SRGN: variants seen among roughly 807,000 people sequenced by gnomAD.
The protein encoded by SRGN is hematopoetic proteoglycan core peptide.
SRGN carries 2 observed loss-of-function variants against 9.5 expected under a neutral mutation model. The observed-to-expected ratio is 0.21, with a 90% CI of 0.09 to 0.66. The LOEUF (loss-of-function observed/expected upper bound fraction) is 0.66. Among genes scored for constraint, SRGN ranks in the 30% least tolerant of loss-of-function variants. SRGN has a pLI of 0.83. For missense variants in SRGN, 170 were observed against 192.4 expected, an observed-to-expected ratio of 0.88 and a Z score of 0.69; for synonymous variants, 59 against 72.3, an observed-to-expected ratio of 0.82 and a Z score of 0.93.
chr10:69,090,778 G>C (rs1396236570), intron 1 of SRGN, among the ~76,000 whole-genome samples: 1 of 152,180 alleles, frequency 6.6e-6, no homozygotes, highest in African/African-American at 2.4e-5. Flanking sequence ...GTAAGATTGT[G>C]TTTACCAAGC....
intron 2 of SRGN, among the ~76,000 whole-genome samples, chr10:69,101,402 G>T (rs1462838003): frequency 6.6e-6 from 1 of 152,160 alleles, no homozygotes; most frequent in East Asian, 1.9e-4. Context: ...TTGGACCCTG[G>T]CTGTTGCAGC....
chr10:69,101,236 A>G (rs1840284288), intron 2 of SRGN, among the ~76,000 whole-genome samples: 2 of 152,058 alleles, frequency 1.3e-5, no homozygotes, highest in South Asian at 4.1e-4. Flanking sequence ...AAGTGCTGGG[A>G]TTACAGGCAT....
intron 1 of SRGN, among the ~76,000 whole-genome samples, chr10:69,094,872 G>C (rs1317982393): frequency 6.6e-6 from 1 of 151,456 alleles, no homozygotes; most frequent in Admixed American, 6.6e-5. Flanking sequence ...AAAGTGCTGG[G>C]ATTTCAGGCA....
intron 2 of SRGN, among the ~76,000 whole-genome samples, chr10:69,098,018 A>G (rs1187623018): frequency 6.6e-6 from 1 of 152,136 alleles, no homozygotes; most frequent in East Asian, 1.9e-4. Context: ...TACTGTATAT[A>G]CTGGCATATG....
chr10:69,089,905 A>AAG lies in SRGN; in HGVS notation c.79+1683_79+1684dup, dbSNP rs561247231. Among the ~76,000 whole-genome samples, 340 of 151,914 alleles carry AAG rather than the reference A, an allele frequency of 2.2e-3. 1 individual carries two copies. The highest frequency in any genetic ancestry group is 7.9e-3 in the African/African-American group (328 of 41,428). On this transcript the variant is annotated intron_variant, in intron 1 of 2. Coordinates refer to ENST00000242465, the MANE Select transcript of SRGN (RefSeq NM_002727.4). ...TGCAAGACTCTGTCAGAAAGAAAGA[A>AAG]AGAGAGAGAGAGAGAAAGAAAGGAA...
chr10:69,088,275 G>A (rs376932391), intron 1 of SRGN, 39 bp downstream of exon 1: 14 of 1,532,464 alleles, frequency 9.1e-6, no homozygotes, highest in Non-Finnish European at 1.1e-5. Context: ...CATCTTCTCT[G>A]TAAGCCCTGT....
chr10:69,103,378 A>G (rs1264492631), intron 2 of SRGN, among the ~76,000 whole-genome samples: 1 of 152,002 alleles, frequency 6.6e-6, no homozygotes, highest in Non-Finnish European at 1.5e-5. Flanking sequence ...CTCCATCTCT[A>G]CTAAAAATAC....
chr10:69,093,803 G>T (rs1840116604), intron 1 of SRGN, among the ~76,000 whole-genome samples: 1 of 152,006 alleles, frequency 6.6e-6, no homozygotes, highest in Non-Finnish European at 1.5e-5. Context: ...GGTGGCGGAG[G>T]GTGCAGTGAG....
chr10:69,095,502 G>A (rs867770480), intron 1 of SRGN, among the ~76,000 whole-genome samples: 2 of 152,064 alleles, frequency 1.3e-5, no homozygotes, highest in Non-Finnish European at 2.9e-5. Context: ...TAAAGTATAT[G>A]CTTGGAGTGG....
At chr10:69,093,523 G>C (rs1840109128) in intron 1 of SRGN, among the ~76,000 whole-genome samples, 4 of 152,206 alleles carry the variant, frequency 2.6e-5, no homozygotes, top group Non-Finnish European at 5.9e-5. Flanking sequence ...TACAGGAAGA[G>C]ACGTCTAAGT....
intron 1 of SRGN, among the ~76,000 whole-genome samples, chr10:69,096,681 C>A (rs1361819885): frequency 6.6e-6 from 1 of 152,156 alleles, no homozygotes. Context: ...TTAGTTAAAA[C>A]CTTCTTAGGG....
chr10:69,104,071 AC>A lies in SRGN; in HGVS notation c.429del (p.Asp143GlufsTer10). On this transcript the variant is annotated frameshift_variant, in exon 3 of 3. Coordinates refer to ENST00000242465, the MANE Select transcript of SRGN (RefSeq NM_002727.4). LOFTEE classifies it low-confidence loss of function (END_TRUNC). The stretch of plus-strand genomic sequence containing the variant: ...TCTCTTGACAGGAATCTGCCCTCAG[AC>A]AGCCAGGACTTGGGTCAACATGGAT... Reference protein sequence around the residue: ...LRSLDRNLPSDSQDLGQHGLE... With the variant: ...LRSLDRNLPSXSQDLGQHGLE... The A allele has an allele frequency of 4.3e-6, 7 of 1,614,214 alleles. No homozygotes were observed. The highest frequency in any genetic ancestry group is 5.9e-6 in the Non-Finnish European group (7 of 1,180,040).
At chr10:69,093,075 G>T (rs3998843) in intron 1 of SRGN, among the ~76,000 whole-genome samples, 1 of 152,140 alleles carries the variant, frequency 6.6e-6, no homozygotes, top group East Asian at 1.9e-4. Context: ...CTTCCTGTGT[G>T]AGCAAACATT....
In SRGN at chr10:69,090,114, T is replaced by C. The variant is rs547205733; in HGVS notation, c.79+1878T>C. On this transcript the variant is annotated intron_variant, in intron 1 of 2. Coordinates refer to ENST00000242465, the MANE Select transcript of SRGN (RefSeq NM_002727.4). ...TCTCAGTATCGGGCTCAAGGGCTTG[T>C]GCCCACATCTGAGCATGCAGGGAAA... Among the ~76,000 whole-genome samples, 6 of 152,302 alleles carry C rather than the reference T, an allele frequency of 3.9e-5. No individual in the cohort carries two copies. The South Asian group carries it at 6.2e-4, about 16-fold the overall frequency.
rs1839973428 is a variant in SRGN at position 69,088,103 on chromosome 10, A to G, written c.-55A>G. ...TAAAAGGGACAGAGAGCACCCTGCT[A>G]CATTTCCTAATCAAGAAGTTGGCGT... is the stretch of plus-strand genomic sequence containing the variant. On this transcript the variant is annotated 5_prime_UTR_variant, in exon 1 of 3. Coordinates refer to ENST00000242465, the MANE Select transcript of SRGN (RefSeq NM_002727.4). 2.7e-6 allele frequency: 4 copies of G among 1,483,866 alleles called. No homozygotes were observed. The South Asian group carries it at 3.4e-5, about 13-fold the overall frequency. 91.9% of individuals were successfully genotyped at this position (1,483,866 alleles called of 1,614,324 possible).
intron 1 of SRGN, among the ~76,000 whole-genome samples, chr10:69,093,016 TG>T (rs919957403): frequency 6.6e-6 from 1 of 152,218 alleles, no homozygotes; most frequent in African/African-American, 2.4e-5. Flanking sequence ...TGAAAAGATG[TG>T]GTCTTTCACC....
In SRGN at chr10:69,103,874, G is replaced by A. The variant is rs1429306360; in HGVS notation, c.231G>A (p.Lys77=). 1 of 1,612,954 alleles carries A rather than the reference G, an allele frequency of 6.2e-7. No homozygotes were observed. Among genetic ancestry groups the A allele is most frequent in the Non-Finnish European group, 8.5e-7 (1 of 1,179,298 alleles). Residue 77 remains lysine (K), a synonymous_variant, in exon 3 of 3, where the codon AAG becomes AAA. Transcript: ENST00000242465. ...CCATTTTTCTTTCATACTTCAGAAAGACGAGAATCCAGGACTTGAATCGTA... is the reference window on the plus strand; with the variant it reads ...CCATTTTTCTTTCATACTTCAGAAAAACGAGAATCCAGGACTTGAATCGTA... The part of the protein sequence containing the change: ...IPRLRTDLFP[K]TRIQDLNRIF...
At chr10:69,101,232 T>C (rs1317041181) in intron 2 of SRGN, among the ~76,000 whole-genome samples, 1 of 152,168 alleles carries the variant, frequency 6.6e-6, no homozygotes, top group African/African-American at 2.4e-5. Flanking sequence ...CCCAAAGTGC[T>C]GGGATTACAG....
At chr10:69,103,750 C>A (rs979261786) in intron 2 of SRGN, 121 bp from the exon 3 acceptor site, 1 of 1,084,536 alleles carries the variant, frequency 9.2e-7, no homozygotes, top group Admixed American at 2.7e-5. Context: ...GCTTTTAAAT[C>A]TCTTAATTTG....
Sources: gnomAD v4.1 joint callset for allele counts (sites outside exome capture counted in the v4.1 genomes callset) on GRCh38, gnomAD v4.1.1 for gene constraint, MANE v1.5 for transcripts, NCBI Gene and HGNC (gene_info 2026-07-23, HGNC 2026-07-21) for gene names.